PTPRD: variants seen among roughly 807,000 people sequenced by gnomAD.
PTPRD encodes the protein receptor-type tyrosine-protein phosphatase delta.
PTPRD carries 34 observed loss-of-function variants against 214.5 expected under a neutral mutation model. That is an observed-to-expected ratio of 0.16 (90% CI 0.12 to 0.21). The LOEUF (loss-of-function observed/expected upper bound fraction) is 0.21, where lower values mean the gene tolerates loss of function less well. Ranked by LOEUF, PTPRD falls within the 10% of genes least tolerant of loss-of-function variation. The pLI is 1.00. For missense variants in PTPRD, 2,545 were observed against 2,398.7 expected (o/e 1.06, Z -1.27); for synonymous variants, 1,128 against 845.7 (o/e 1.33, Z -5.79).
At chr9:9,639,816 A>T (rs1293542901) in intron 7 of PTPRD, among the ~76,000 whole-genome samples, 1 of 152,158 alleles carries the variant, frequency 6.6e-6, no homozygotes, top group Non-Finnish European at 1.5e-5. Context: ...GACTTTGCTT[A>T]GGTTTGTATT....
intron 2 of PTPRD, among the ~76,000 whole-genome samples, chr9:10,534,692 T>C (rs553066531): frequency 9.2e-5 from 14 of 152,222 alleles, no homozygotes; most frequent in African/African-American, 3.1e-4. Flanking sequence ...CAACGGCAAA[T>C]GCTACTATCT....
Position 8,413,594 on chromosome 9 carries a change from T to C in PTPRD, c.4087-8934A>G, listed in dbSNP as rs146820757. Among the ~76,000 whole-genome samples the C allele has an allele frequency of 1.2e-4, 18 of 152,266 alleles. No homozygotes were observed. The East Asian group carries it at 3.5e-3, about 29-fold the overall frequency. Reference sequence around the variant, plus strand: ...TATACCAACAACCCCTTGCCATTAATACCATTAGTGCTTGCAGGTAAGGTA... The same window carrying C: ...TATACCAACAACCCCTTGCCATTAACACCATTAGTGCTTGCAGGTAAGGTA... On this transcript the variant is annotated intron_variant, in intron 35 of 45. Coordinates refer to ENST00000381196, the MANE Select transcript of PTPRD (RefSeq NM_002839.4).
At chr9:8,495,300 T>C (rs1292280259) in intron 26 of PTPRD, among the ~76,000 whole-genome samples, 1 of 152,220 alleles carries the variant, frequency 6.6e-6, no homozygotes, top group Non-Finnish European at 1.5e-5. Flanking sequence ...TGAGCTATCT[T>C]TGACCTCTTT....
At chr9:10,136,427 C>A (rs1228511549) in intron 3 of PTPRD, among the ~76,000 whole-genome samples, 1 of 152,080 alleles carries the variant, frequency 6.6e-6, no homozygotes, top group Non-Finnish European at 1.5e-5. Context: ...CCGCAAAGTA[C>A]ACAGTCTTTT....
chr9:10,060,948 CTT>C (rs1334542233), intron 3 of PTPRD, among the ~76,000 whole-genome samples: 1 of 127,564 alleles, frequency 7.8e-6, no homozygotes, highest in Non-Finnish European at 1.6e-5. Context: ...TTCTTTCTTT[CTT>C]TCTCTCTCTT....
chr9:10,596,471 T>C (rs1277924179), intron 2 of PTPRD, among the ~76,000 whole-genome samples: 1 of 151,744 alleles, frequency 6.6e-6, no homozygotes, highest in Non-Finnish European at 1.5e-5. Flanking sequence ...TAAAATAATG[T>C]TTTATGGTTA....
At position 9,959,419 on chromosome 9, in the gene PTPRD, T is replaced by C. The variant is rs368918950; in HGVS notation, c.-471-20809A>G. Reference sequence around the variant, plus strand: ...ATTCCAAGTTTTACTGATATTGTAATGGTGGACACATGACAGTACATATTT... The same window carrying C: ...ATTCCAAGTTTTACTGATATTGTAACGGTGGACACATGACAGTACATATTT... On this transcript the variant is annotated intron_variant, in intron 4 of 45. Transcript: ENST00000381196. 1.5e-3 allele frequency among the ~76,000 whole-genome samples: 233 copies of C among 152,282 alleles called. 6 individuals are homozygous for C. In the South Asian group the frequency reaches 0.047, roughly 31 times the overall value.
intron 7 of PTPRD, among the ~76,000 whole-genome samples, chr9:9,575,092 A>T (rs1398506580): frequency 6.6e-6 from 1 of 152,176 alleles, no homozygotes; most frequent in African/African-American, 2.4e-5. Context: ...GTATTTTGCT[A>T]GATAACCTTC....
chr9:9,863,717 AG>A (rs2063300884), intron 5 of PTPRD, among the ~76,000 whole-genome samples: 3 of 152,138 alleles, frequency 2.0e-5, no homozygotes, highest in Middle Eastern at 3.2e-3. Flanking sequence ...GGAGATGAAA[AG>A]AGACATAAGA....
chr9:9,113,594 G>A (rs2099809179), intron 10 of PTPRD, among the ~76,000 whole-genome samples: 2 of 152,112 alleles, frequency 1.3e-5, no homozygotes, highest in African/African-American at 4.8e-5. Context: ...TAGAACTCCA[G>A]TCCCAGATTT....
chr9:10,271,184 C>T (rs2094398270), intron 3 of PTPRD, among the ~76,000 whole-genome samples: 1 of 151,876 alleles, frequency 6.6e-6, no homozygotes, highest in South Asian at 2.1e-4. Flanking sequence ...CCATATTTTC[C>T]CATACTTGCA....
intron 12 of PTPRD, among the ~76,000 whole-genome samples, chr9:8,719,612 T>C (rs148591016): frequency 2.0e-5 from 3 of 152,336 alleles, no homozygotes; most frequent in African/African-American, 4.8e-5. Flanking sequence ...TAAAGTTTTA[T>C]TGGAATACTG....
intron 12 of PTPRD, among the ~76,000 whole-genome samples, chr9:8,662,021 ATCT>A (rs2097066783): frequency 6.6e-6 from 1 of 152,084 alleles, no homozygotes; most frequent in Non-Finnish European, 1.5e-5. Flanking sequence ...GGTTCAAGTG[ATCT>A]TCTACCCTCA....
At chr9:9,014,165 T>C (rs370520174) in intron 11 of PTPRD, among the ~76,000 whole-genome samples, 3 of 150,910 alleles carry the variant, frequency 2.0e-5, no homozygotes, top group East Asian at 3.9e-4. Flanking sequence ...GTTTGGTCCA[T>C]GCTATTACCT....
intron 7 of PTPRD, among the ~76,000 whole-genome samples, chr9:9,654,453 C>T (rs1220706486): frequency 6.6e-6 from 1 of 151,948 alleles, no homozygotes; most frequent in Non-Finnish European, 1.5e-5. Flanking sequence ...CATGTATACA[C>T]ACACATTACC....
At position 10,550,006 on chromosome 9, in the gene PTPRD, T is replaced by C. The variant is rs576038699; in HGVS notation, c.-600+62392A>G. Among the ~76,000 whole-genome samples the C allele has an allele frequency of 2.0e-3, 299 of 152,236 alleles. 2 individuals carry two copies. The highest frequency in any genetic ancestry group is 6.8e-3 in the African/African-American group (284 of 41,540). On this transcript the variant is annotated intron_variant, in intron 2 of 45. Coordinates refer to ENST00000381196, the MANE Select transcript of PTPRD (RefSeq NM_002839.4). Reference sequence around the variant, plus strand: ...CAAGTATTTCACCCCTCTGGCAGGATTGATGAGGATGGATAGGTTGGATCC... The same window carrying C: ...CAAGTATTTCACCCCTCTGGCAGGACTGATGAGGATGGATAGGTTGGATCC...
chr9:9,616,612 T>C (rs1157394601), intron 7 of PTPRD, among the ~76,000 whole-genome samples: 1 of 152,132 alleles, frequency 6.6e-6, no homozygotes, highest in Non-Finnish European at 1.5e-5. Flanking sequence ...GCTAAGAGTT[T>C]TAAGAGACCC....
At chr9:10,058,006 C>A (rs1039055112) in intron 3 of PTPRD, among the ~76,000 whole-genome samples, 7 of 152,030 alleles carry the variant, frequency 4.6e-5, no homozygotes, top group Admixed American at 2.0e-4. Flanking sequence ...AAGATGATTG[C>A]ATTTTGTTAA....
At chr9:10,147,830 A>C (rs1380489757) in intron 3 of PTPRD, among the ~76,000 whole-genome samples, 1 of 152,206 alleles carries the variant, frequency 6.6e-6, no homozygotes, top group East Asian at 1.9e-4. Context: ...CAGTGAGTCA[A>C]GATCACGCCA....
Sources: gnomAD v4.1 joint callset for allele counts (sites outside exome capture counted in the v4.1 genomes callset) on GRCh38, gnomAD v4.1.1 for gene constraint, MANE v1.5 for transcripts, NCBI Gene and HGNC (gene_info 2026-07-23, HGNC 2026-07-21) for gene names.